RBFOX1: variants seen among roughly 807,000 people sequenced by gnomAD.
RBFOX1 encodes RNA binding fox-1 homolog 1.
A neutral mutation model predicts 57.7 loss-of-function variants in RBFOX1; 8 were observed. The ratio of observed to expected loss-of-function variants is 0.14; its 90% CI spans 0.08 to 0.25. The LOEUF (loss-of-function observed/expected upper bound fraction) is 0.25. RBFOX1 is among the 10% of genes least tolerant of loss of function. RBFOX1 has a pLI of 1.00. For missense variants in RBFOX1, 611 were observed against 548.5 expected (o/e 1.11, Z -1.14); for synonymous variants, 326 against 222.4 (o/e 1.47, Z -4.15).
At chr16:6,226,419 G>T (rs900341052) in intron 1 of RBFOX1, among the ~76,000 whole-genome samples, 1 of 146,124 alleles carries the variant, frequency 6.8e-6, no homozygotes, top group African/African-American at 2.5e-5. Flanking sequence ...TAAATTTTCA[G>T]CAATGTGAAG....
At position 6,417,412 on chromosome 16, in the gene RBFOX1, C is replaced by CTT. The variant is rs35363634; in HGVS notation, c.-64+100373_-64+100374dup. Among the ~76,000 whole-genome samples the CTT allele has an allele frequency of 5.6e-3, 654 of 116,108 alleles. 21 individuals are homozygous for CTT. The highest frequency in any genetic ancestry group is 0.013 in the African/African-American group (402 of 31,080). 76.2% of individuals were successfully genotyped at this position (116,108 alleles called of 152,430 possible). On this transcript the variant is annotated intron_variant, in intron 2 of 15. Transcript: ENST00000550418. ...AGTTAGTCAAATATAAATGTGTTTA[C>CTT]TTTTTTTTTTTTTTTTTTTGAGACT...
intron 2 of RBFOX1, among the ~76,000 whole-genome samples, chr16:6,417,829 G>T (rs1000426670): frequency 6.6e-6 from 1 of 150,862 alleles, no homozygotes; most frequent in Admixed American, 6.6e-5. Flanking sequence ...CCTAGTATCC[G>T]TTAGTTATTT....
chr16:7,111,505 G>C (rs533822423), intron 4 of RBFOX1, among the ~76,000 whole-genome samples: 6 of 152,238 alleles, frequency 3.9e-5, no homozygotes, highest in African/African-American at 1.4e-4. Context: ...ATACAGTTCT[G>C]CTGTTGGGGG....
chr16:5,320,037 T>C (rs984970485), intron 1 of RBFOX1, among the ~76,000 whole-genome samples: 1 of 152,210 alleles, frequency 6.6e-6, no homozygotes, highest in Non-Finnish European at 1.5e-5. Flanking sequence ...GTAGTTTAGC[T>C]ATGTGCCCAG....
chr16:6,710,153 C>T (rs572675330), intron 3 of RBFOX1, among the ~76,000 whole-genome samples: 7 of 152,220 alleles, frequency 4.6e-5, no homozygotes, highest in Admixed American at 1.3e-4. Context: ...AAATCCAAGC[C>T]GTGTGTCTCT....
At chr16:7,522,565 T>C (rs915693155) in intron 5 of RBFOX1, among the ~76,000 whole-genome samples, 3 of 152,180 alleles carry the variant, frequency 2.0e-5, no homozygotes, top group Non-Finnish European at 4.4e-5. Context: ...CATTGCCCGT[T>C]ATAAATATTT....
rs117659336 is a variant in RBFOX1 at position 7,207,118 on chromosome 16, C to A, written c.27+155020C>A. Among the ~76,000 whole-genome samples the A allele has an allele frequency of 5.9e-3, 903 of 152,316 alleles. 15 individuals carry two copies. Among genetic ancestry groups the A allele is most frequent in the Non-Finnish European group, 4.0e-3 (275 of 68,036 alleles). ...TAACTGAGGCTTCAAATCACCCCATCCATCTTCATGGCATTTCTTAGCTGA... is the reference window on the plus strand; with the variant it reads ...TAACTGAGGCTTCAAATCACCCCATACATCTTCATGGCATTTCTTAGCTGA... On this transcript the variant is annotated intron_variant, in intron 4 of 15. Coordinates refer to ENST00000550418, the MANE Select transcript of RBFOX1 (RefSeq NM_018723.4).
At chr16:6,083,614 C>T (rs1015335325) in intron 1 of RBFOX1, among the ~76,000 whole-genome samples, 2 of 152,042 alleles carry the variant, frequency 1.3e-5, no homozygotes, top group South Asian at 2.1e-4. Flanking sequence ...GTAGCTTGGA[C>T]CACAGACGTG....
At chr16:5,760,456 A>G (rs2053554865) in intron 3 of RBFOX1, among the ~76,000 whole-genome samples, 2 of 152,214 alleles carry the variant, frequency 1.3e-5, no homozygotes, top group African/African-American at 4.8e-5. Context: ...ACATGTCCAT[A>G]TACGTGAGTA....
intron 4 of RBFOX1, among the ~76,000 whole-genome samples, chr16:7,321,077 G>GTATACATATACATATACA (rs368597309): frequency 0.19 from 27,611 of 142,416 alleles, 3,241 homozygotes; most frequent in East Asian, 0.3. Context: ...CTATCTATAC[G>GTATACATATACATATACA]TATACATATA....
intron 3 of RBFOX1, among the ~76,000 whole-genome samples, chr16:6,794,977 A>AGAG: frequency 6.6e-6 from 1 of 152,316 alleles, no homozygotes; most frequent in East Asian, 1.9e-4. Flanking sequence ...GTTTTTAAAC[A>AGAG]GAGTGAGGGC....
intron 1 of RBFOX1, among the ~76,000 whole-genome samples, chr16:6,134,374 C>T (rs556628719): frequency 5.3e-5 from 8 of 152,316 alleles, no homozygotes; most frequent in African/African-American, 1.9e-4. Context: ...TGTAATCTTG[C>T]ACCCCAAGAA....
intron 2 of RBFOX1, among the ~76,000 whole-genome samples, chr16:6,392,782 C>T (rs1428800711): frequency 2.0e-5 from 3 of 152,162 alleles, no homozygotes; most frequent in Non-Finnish European, 4.4e-5. Flanking sequence ...TAAAAAGCAT[C>T]CCTCAAATTG....
At chr16:6,460,437 G>A (rs1357796547) in intron 2 of RBFOX1, among the ~76,000 whole-genome samples, 1 of 151,098 alleles carries the variant, frequency 6.6e-6, no homozygotes, top group Non-Finnish European at 1.5e-5. Flanking sequence ...AGTGGGCAAA[G>A]GCTATGAACA....
At chr16:6,103,916 T>G (rs1489243160) in intron 1 of RBFOX1, among the ~76,000 whole-genome samples, 1 of 152,182 alleles carries the variant, frequency 6.6e-6, no homozygotes, top group African/African-American at 2.4e-5. Flanking sequence ...TGGAAGAAAC[T>G]TTTCTTTTGA....
At chr16:7,493,954 C>T (rs1018973047) in intron 4 of RBFOX1, among the ~76,000 whole-genome samples, 2 of 152,122 alleles carry the variant, frequency 1.3e-5, no homozygotes, top group African/African-American at 4.8e-5. Context: ...AATAGAAAGT[C>T]AAAACAATTT....
intron 2 of RBFOX1, among the ~76,000 whole-genome samples, chr16:6,514,761 A>AG (rs2096337826): frequency 1.3e-5 from 2 of 152,146 alleles, no homozygotes; most frequent in Non-Finnish European, 2.9e-5. Flanking sequence ...TGTAATAAGG[A>AG]GGAAGGGGTG....
At chr16:5,865,444 T>C (rs566588675) in intron 3 of RBFOX1, among the ~76,000 whole-genome samples, 1 of 152,272 alleles carries the variant, frequency 6.6e-6, no homozygotes, top group Non-Finnish European at 1.5e-5. Context: ...TGGCAAGCCT[T>C]CAGCCACAGC....
intron 3 of RBFOX1, among the ~76,000 whole-genome samples, chr16:6,917,623 A>T (rs1406144528): frequency 6.6e-6 from 1 of 152,130 alleles, no homozygotes; most frequent in Non-Finnish European, 1.5e-5. Context: ...TGCCTTCTAC[A>T]CCGAAGTGGG....
Sources: allele counts gnomAD v4.1 joint callset (sites outside exome capture counted in the v4.1 genomes callset), GRCh38; gene constraint gnomAD v4.1.1; transcripts MANE v1.5; gene names NCBI Gene and HGNC (gene_info 2026-07-23, HGNC 2026-07-21).